Variants in PLEKHG3 observed in about 807,000 individuals in gnomAD.
The protein encoded by PLEKHG3 is pleckstrin homology and RhoGEF domain containing G3, also known as pleckstrin homology domain-containing family G member 3.
PLEKHG3 carries 62 observed loss-of-function variants against 94.9 expected under a neutral mutation model. That is an observed-to-expected ratio of 0.65 (90% CI 0.53 to 0.81). The LOEUF is 0.81. PLEKHG3 is among the 30% of genes least tolerant of loss of function. The pLI is 0.00. For missense variants in PLEKHG3, 1,461 were observed against 1,619.3 expected (o/e 0.90, Z 1.68); for synonymous variants, 614 against 654.0 (o/e 0.94, Z 0.93).
intron 1 of PLEKHG3, among the ~76,000 whole-genome samples, chr14:64,712,454 A>G (rs1384730786): frequency 6.6e-5 from 10 of 152,192 alleles, no homozygotes; most frequent in Admixed American, 5.9e-4. Flanking sequence ...GTTCCATTCC[A>G]TGAACAAGGA....
chr14:64,743,231 CACGCCGAGCAGGGG>C lies in PLEKHG3; in HGVS notation c.3189_3202del (p.Arg1065ProfsTer140). On this transcript the variant is annotated frameshift_variant, in exon 17 of 17. Coordinates refer to ENST00000247226, the MANE Select transcript of PLEKHG3 (RefSeq NM_001308147.2). LOFTEE classifies it low-confidence loss of function (END_TRUNC). This position sits in a 1 kb window ranked among gnomAD's most constrained non-coding sequence, Gnocchi z 7.2. ...TCCAAGTATGCCTCCCGCGATGAGGCACGCCGAGCAGGGGGCGGCCGGCCCCGCGGCCCACCCGT... is the reference window on the plus strand; with the variant it reads ...TCCAAGTATGCCTCCCGCGATGAGGCGCGGCCGGCCCCGCGGCCCACCCGT... 5.6e-6 allele frequency: 9 copies of C among 1,607,898 alleles called. No individual in the cohort carries two copies. The highest frequency in any genetic ancestry group is 7.6e-6 in the Non-Finnish European group (9 of 1,179,144).
intron 1 of PLEKHG3, among the ~76,000 whole-genome samples, chr14:64,708,271 C>A (rs1014873806): frequency 6.6e-6 from 1 of 152,160 alleles, no homozygotes; most frequent in Non-Finnish European, 1.5e-5. Context: ...TGGAATTCCC[C>A]CTGCTTCCAG....
intron 1 of PLEKHG3, among the ~76,000 whole-genome samples, chr14:64,714,922 T>A (rs2081115287): frequency 6.6e-6 from 1 of 152,162 alleles, no homozygotes; most frequent in Non-Finnish European, 1.5e-5. Flanking sequence ...CACAAAACAC[T>A]GGAAGACCTG....
At position 64,731,319 on chromosome 14, in the gene PLEKHG3, C is replaced by T. The variant is rs368964151; in HGVS notation, c.850-42C>T. 42 of 1,553,962 alleles carry T rather than the reference C, an allele frequency of 2.7e-5. No individual in the cohort carries two copies. The highest frequency in any genetic ancestry group is 3.7e-5 in the Non-Finnish European group (42 of 1,128,432). On this transcript the variant is annotated intron_variant, in intron 7 of 16. Coordinates refer to ENST00000247226, the MANE Select transcript of PLEKHG3 (RefSeq NM_001308147.2). This position sits in a 1 kb window ranked among gnomAD's most constrained non-coding sequence, Gnocchi z 6.1. Reference sequence around the variant, plus strand: ...CAGGGTTTGCAGAGCCTCCTAAGGCCCCAGTGGCCTGACTCTAGGGATTGG... The same window carrying T: ...CAGGGTTTGCAGAGCCTCCTAAGGCTCCAGTGGCCTGACTCTAGGGATTGG...
At position 64,743,145 on chromosome 14, in the gene PLEKHG3, C is replaced by CGGGCGGAG. The variant is rs2081749510; in HGVS notation, c.3103_3104insGGCGGAGG (p.Ala1035GlyfsTer56). The CGGGCGGAG allele has an allele frequency of 1.9e-6, 3 of 1,611,304 alleles. No homozygotes were observed. The highest frequency in any genetic ancestry group is 2.5e-6 in the Non-Finnish European group (3 of 1,179,864). Reference sequence around the variant, plus strand: ...CCACCTCGCCTGGGGGCCGGCCCTCCGCCCGGAGCCCCCTCAGCCCCACAG... The same window carrying CGGGCGGAG: ...CCACCTCGCCTGGGGGCCGGCCCTCCGGGCGGAGGCCCGGAGCCCCCTCAGCCCCACAG... On this transcript the variant is annotated frameshift_variant, in exon 17 of 17. Transcript: ENST00000247226. LOFTEE classifies it low-confidence loss of function (END_TRUNC). The surrounding 1 kb of genome is among the most constrained non-coding windows in gnomAD (Gnocchi z 7.2).
rs1594730808 is a variant in PLEKHG3, at chr14:64,749,408, G to C, written c.*5705G>C. 2 of 1,607,950 alleles carry C rather than the reference G, an allele frequency of 1.2e-6. No individual in the cohort carries two copies. The highest frequency in any genetic ancestry group is 2.2e-5 in the East Asian group (1 of 44,868). On this transcript the variant is annotated 3_prime_UTR_variant, in exon 17 of 17. Transcript: ENST00000247226. The surrounding 1 kb of genome is among the most constrained non-coding windows in gnomAD (Gnocchi z 4.7). Reference sequence around the variant, plus strand: ...AAGGCAGGGGCAGGCTCTGCGCCTTGACGCGGATGCTCTGGGACTCGTTGA... The same window carrying C: ...AAGGCAGGGGCAGGCTCTGCGCCTTCACGCGGATGCTCTGGGACTCGTTGA...
rs559443616 is a variant in PLEKHG3 at position 64,743,286 on chromosome 14, G to A, written c.3243G>A (p.Ser1081=). 1.1e-5 allele frequency: 18 copies of A among 1,607,772 alleles called. 1 individual carries two copies. Among genetic ancestry groups the A allele is most frequent in the South Asian group, 9.9e-5 (9 of 90,890 alleles). Residue 1081 remains serine (S), a synonymous_variant, in exon 17 of 17, where the codon TCG becomes TCA. Coordinates refer to ENST00000247226, the MANE Select transcript of PLEKHG3 (RefSeq NM_001308147.2). This position sits in a 1 kb window ranked among gnomAD's most constrained non-coding sequence, Gnocchi z 7.2. ...PRGPPVNRSH[S]VPENMVEPPL... ...GCCCACCCGTCAACAGGAGCCACTC[G>A]GTGCCGGAGAACATGGTAGAGCCAC...
rs1003047926 is a variant in PLEKHG3 at position 64,728,562 on chromosome 14, G to T, written c.352-434G>T. Among the ~76,000 whole-genome samples, 1 of 152,230 alleles carries T rather than the reference G, an allele frequency of 6.6e-6. No homozygotes were observed. The highest frequency in any genetic ancestry group is 2.4e-5 in the African/African-American group (1 of 41,456). On this transcript the variant is annotated intron_variant, in intron 2 of 16. Transcript: ENST00000247226. The surrounding 1 kb of genome is among the most constrained non-coding windows in gnomAD (Gnocchi z 5.9). The stretch of plus-strand genomic sequence containing the variant: ...AGTCCAAAAATCAATGTGTTGGCTG[G>T]GTTGGCTCCCTTCAGAGCCTCTGAG...
rs369584990 is a variant in PLEKHG3 at position 64,742,862 on chromosome 14, C to G, written c.2939-120C>G. ...GGATGGTAAGTGAGATTTCTCCCAT[C>G]ACACCCAAAACCCCAACAACCAGCC... On this transcript the variant is annotated intron_variant, in intron 16 of 16. Coordinates refer to ENST00000247226, the MANE Select transcript of PLEKHG3 (RefSeq NM_001308147.2). 2.4e-5 allele frequency: 21 copies of G among 889,334 alleles called. 1 individual carries two copies. Among genetic ancestry groups the G allele is most frequent in the Admixed American group, 1.9e-4 (9 of 48,630 alleles). 55.1% of individuals were successfully genotyped at this position (889,334 alleles called of 1,614,324 possible).
In PLEKHG3 at chr14:64,722,389, A is replaced by G. The variant is rs1410096378; in HGVS notation, c.-39-5204A>G. 1.3e-5 allele frequency among the ~76,000 whole-genome samples: 2 copies of G among 152,054 alleles called. No individual in the cohort carries two copies. The highest frequency in any genetic ancestry group is 2.9e-5 in the Non-Finnish European group (2 of 68,012). On this transcript the variant is annotated intron_variant, in intron 1 of 16. Transcript: ENST00000247226. This position sits in a 1 kb window ranked among gnomAD's most constrained non-coding sequence, Gnocchi z 4.3. ...ACACCCGGCTAATTTTTGTATTTTT[A>G]GTAGAGATGGGGTTTCCTCATATTG...
At chr14:64,705,992 G>A (rs1481883671) in intron 1 of PLEKHG3, among the ~76,000 whole-genome samples, 1 of 152,182 alleles carries the variant, frequency 6.6e-6, no homozygotes, top group Non-Finnish European at 1.5e-5. Flanking sequence ...AGCTCCCTGG[G>A]TAACTTGCCC....
chr14:64,737,421 G>A (rs1189855377), intron 14 of PLEKHG3, 46 bp downstream of exon 14: 1 of 1,432,008 alleles, frequency 7.0e-7, no homozygotes. Context: ...AGGAGGGTGG[G>A]ACTGCCCAGG....
rs371390869 is a variant in PLEKHG3, at chr14:64,749,546, G to T, written c.*5843G>T. The stretch of plus-strand genomic sequence containing the variant: ...ACCTCCCGGGCCAGGCAACAATGGT[G>T]GGGGCTCTTGGGACTGCCCCTTCTG... On this transcript the variant is annotated 3_prime_UTR_variant, in exon 17 of 17. Transcript: ENST00000247226. The surrounding 1 kb of genome is among the most constrained non-coding windows in gnomAD (Gnocchi z 4.7). 4.4e-6 allele frequency: 7 copies of T among 1,601,238 alleles called. No homozygotes were observed. Among genetic ancestry groups the T allele is most frequent in the Non-Finnish European group, 5.9e-6 (7 of 1,177,994 alleles).
chr14:64,721,071 G>A lies in PLEKHG3; in HGVS notation c.-39-6522G>A, dbSNP rs903651840. On this transcript the variant is annotated intron_variant, in intron 1 of 16. Coordinates refer to ENST00000247226, the MANE Select transcript of PLEKHG3 (RefSeq NM_001308147.2). The surrounding 1 kb of genome is among the most constrained non-coding windows in gnomAD (Gnocchi z 4.3). ...TGATTTGATCACATCTGCCTTCTAT[G>A]TGTCCCTTTTGCCATATAAGGTGAC... Among the ~76,000 whole-genome samples, 3 of 152,188 alleles carry A rather than the reference G, an allele frequency of 2.0e-5. No homozygotes were observed. The East Asian group carries it at 5.8e-4, about 29-fold the overall frequency.
chr14:64,730,632 C>G lies in PLEKHG3; in HGVS notation c.520-10C>G, dbSNP rs548034037. The G allele has an allele frequency of 3.1e-6, 5 of 1,604,850 alleles. No homozygotes were observed. The African/African-American group carries it at 4.0e-5, about 13-fold the overall frequency. Reference sequence around the variant, plus strand: ...TCTCCCTGAAATCACTATTTTTGATCTCTTCTTAGAGCCAAGAGTTTGATA... The same window carrying G: ...TCTCCCTGAAATCACTATTTTTGATGTCTTCTTAGAGCCAAGAGTTTGATA... On this transcript the variant is annotated splice_polypyrimidine_tract_variant and intron_variant, in intron 4 of 16. Coordinates refer to ENST00000247226, the MANE Select transcript of PLEKHG3 (RefSeq NM_001308147.2). This position sits in a 1 kb window ranked among gnomAD's most constrained non-coding sequence, Gnocchi z 5.4.
rs955871302 is a variant in PLEKHG3 at position 64,716,328 on chromosome 14, G to C, written c.-39-11265G>C. Among the ~76,000 whole-genome samples, 3 of 152,072 alleles carry C rather than the reference G, an allele frequency of 2.0e-5. No individual in the cohort carries two copies. The highest frequency in any genetic ancestry group is 2.0e-4 in the Admixed American group (3 of 15,270). On this transcript the variant is annotated intron_variant, in intron 1 of 16. Transcript: ENST00000247226. This position sits in a 1 kb window ranked among gnomAD's most constrained non-coding sequence, Gnocchi z 5.0. ...GTCATGTGTCTGGGTGACACAGCAA[G>C]ACAGCCCTTTTGGAGGCAACTGTAA... is the stretch of plus-strand genomic sequence containing the variant.
In PLEKHG3 at chr14:64,728,068, A is replaced by G; in HGVS notation, c.351+86A>G. On this transcript the variant is annotated intron_variant, in intron 2 of 16. Transcript: ENST00000247226. The surrounding 1 kb of genome is among the most constrained non-coding windows in gnomAD (Gnocchi z 5.9). ...GAAGCTCTCAAAAGACCTGCTTCCC[A>G]TAAAGTAGTTGGAGAACTGGGGTCT... 3.4e-6 allele frequency: 3 copies of G among 870,632 alleles called. No individual in the cohort carries two copies. Among genetic ancestry groups the G allele is most frequent in the South Asian group, 1.8e-5 (1 of 54,602 alleles). The allele number at this position is 870,632 out of a possible 1,614,324, so 53.9% of individuals were successfully genotyped here.
Position 64,731,496 on chromosome 14 carries a change from A to G in PLEKHG3, c.985A>G (p.Ile329Val), listed in dbSNP as rs1425495289. The change falls in exon 8 of 17, where the codon ATC becomes GTC. Residue 329 changes from isoleucine (I) to valine (V), a missense_variant. Physicochemically the swap from Ile to Val is conservative, Grantham distance 29. Around this residue, in one of 3 missense-constraint regions of PLEKHG3, gnomAD observed 1,201 missense variants for 1,295.5 expected, o/e 0.93. Transcript: ENST00000247226. The surrounding 1 kb of genome is among the most constrained non-coding windows in gnomAD (Gnocchi z 6.1). ...TFFLFDKTLL[I>V]TKKRGDHFVY... ...TTTCCTCTTTGACAAAACACTGCTT[A>G]TCACCAAGAAGCGGGGCGATCACTT... The G allele has an allele frequency of 1.9e-6, 3 of 1,614,004 alleles. No homozygotes were observed. The highest frequency in any genetic ancestry group is 2.5e-6 in the Non-Finnish European group (3 of 1,180,020).
At position 64,722,240 on chromosome 14, in the gene PLEKHG3, G is replaced by T. The variant is rs973684678; in HGVS notation, c.-39-5353G>T. Among the ~76,000 whole-genome samples the T allele has an allele frequency of 2.0e-5, 3 of 152,132 alleles. No individual in the cohort carries two copies. Among genetic ancestry groups the T allele is most frequent in the Non-Finnish European group, 4.4e-5 (3 of 68,016 alleles). Reference sequence around the variant, plus strand: ...TTTCTTTTTTTGTTTTTGAGATGGAGTTTCGCTCTCATTGCCTAGGCTGGA... The same window carrying T: ...TTTCTTTTTTTGTTTTTGAGATGGATTTTCGCTCTCATTGCCTAGGCTGGA... On this transcript the variant is annotated intron_variant, in intron 1 of 16. Coordinates refer to ENST00000247226, the MANE Select transcript of PLEKHG3 (RefSeq NM_001308147.2). This position sits in a 1 kb window ranked among gnomAD's most constrained non-coding sequence, Gnocchi z 4.3.
Sources: allele counts gnomAD v4.1 joint callset (sites outside exome capture counted in the v4.1 genomes callset), GRCh38; gene constraint gnomAD v4.1.1; regional missense constraint gnomAD v4.1.1; non-coding constraint Gnocchi (gnomAD v3.1); transcripts MANE v1.5; gene names NCBI Gene and HGNC (gene_info 2026-07-23, HGNC 2026-07-21).